Variants in RBL1 observed in about 807,000 individuals in gnomAD.
RBL1 encodes the protein RB transcriptional corepressor like 1.
In RBL1, 82 loss-of-function variants were observed where a neutral mutation model predicts 123.0. The observed-to-expected ratio is 0.67, with a 90% CI of 0.56 to 0.80. The LOEUF is 0.80. Ranked by LOEUF, RBL1 falls within the 30% of genes least tolerant of loss-of-function variation. RBL1 has a pLI of 0.00. For synonymous variants in RBL1, 405 were observed against 441.3 expected (o/e 0.92, Z 1.03); for missense variants, 1,171 against 1,299.6 (o/e 0.90, Z 1.52).
chr20:37,092,515 C>T (rs1279041133), intron 1 of RBL1, among the ~76,000 whole-genome samples: 1 of 152,090 alleles, frequency 6.6e-6, no homozygotes, highest in Non-Finnish European at 1.5e-5. Context: ...ACTAAAGGCA[C>T]ATGCCACCAC....
At position 37,061,102 on chromosome 20, in the gene RBL1, C is replaced by A; in HGVS notation, c.1250+1G>T. On this transcript the variant is annotated splice_donor_variant, in intron 9 of 21. Coordinates refer to ENST00000373664, the MANE Select transcript of RBL1 (RefSeq NM_002895.5). LOFTEE classifies it high-confidence loss of function. ...TGGAAAAATAACAGTATTGTACATACTCAAAAATATTTATAAGTTGGTCAC... is the reference window on the plus strand; with the variant it reads ...TGGAAAAATAACAGTATTGTACATAATCAAAAATATTTATAAGTTGGTCAC... 6.3e-7 allele frequency: 1 copy of A among 1,599,834 alleles called. No individual in the cohort carries two copies.
chr20:37,001,193 C>T (rs548297321), intron 21 of RBL1, among the ~76,000 whole-genome samples: 4 of 148,922 alleles, frequency 2.7e-5, no homozygotes, highest in African/African-American at 9.8e-5. Flanking sequence ...CCGGCCGCCC[C>T]TGCCCGGCCG....
chr20:37,069,851 G>GGT (rs2065255348), intron 2 of RBL1, among the ~76,000 whole-genome samples: 1 of 150,544 alleles, frequency 6.6e-6, no homozygotes, highest in African/African-American at 2.5e-5. Context: ...GAGGTGGGGG[G>GGT]GTCAGCCCCC....
intron 7 of RBL1, among the ~76,000 whole-genome samples, chr20:37,063,572 T>G (rs1310488975): frequency 6.6e-6 from 1 of 152,094 alleles, no homozygotes; most frequent in African/African-American, 2.4e-5. Flanking sequence ...AGTGCAATGG[T>G]GTGATCTGGG....
In RBL1 at chr20:37,035,382, T is replaced by C. The variant is rs955653415; in HGVS notation, c.2030A>G (p.Glu677Gly). ...KEMLMDKIITEGTKLKIAPSS... is the reference protein window; with the variant it reads ...KEMLMDKIITGGTKLKIAPSS... ...AGGAGCGATTTTCAATTTTGTTCCT[T>C]CTGTTATGATCTTGTCCATAAGCAT... Residue 677 changes from glutamate to glycine, a missense_variant, in exon 15 of 22, where the codon GAA (glutamate) becomes GGA (glycine). Coordinates refer to ENST00000373664, the MANE Select transcript of RBL1 (RefSeq NM_002895.5). 9.9e-6 allele frequency: 16 copies of C among 1,614,042 alleles called. No individual in the cohort carries two copies. The African/African-American group carries it at 2.1e-4, about 22-fold the overall frequency.
At chr20:37,092,041 G>A (rs1308003328) in intron 1 of RBL1, among the ~76,000 whole-genome samples, 5 of 152,090 alleles carry the variant, frequency 3.3e-5, no homozygotes, top group South Asian at 2.1e-4. Flanking sequence ...TCAGGGGTTC[G>A]AGACTAGCTT....
chr20:37,037,970 C>A (rs2064649786), intron 14 of RBL1, among the ~76,000 whole-genome samples: 1 of 150,332 alleles, frequency 6.7e-6, no homozygotes. Flanking sequence ...CGGGTGTAAG[C>A]CACTGCGCCC....
chr20:37,019,188 C>T (rs941012181), intron 18 of RBL1, among the ~76,000 whole-genome samples: 2 of 152,022 alleles, frequency 1.3e-5, no homozygotes, highest in African/African-American at 2.4e-5. Context: ...GGATTACAGG[C>T]GTGAGCCACT....
chr20:37,020,119 C>T (rs1460826045), intron 18 of RBL1, among the ~76,000 whole-genome samples: 1 of 143,310 alleles, frequency 7.0e-6, no homozygotes, highest in Non-Finnish European at 1.5e-5. Flanking sequence ...GACAGAGTCT[C>T]GCTCTGTCGG....
chr20:37,068,732 G>A (rs1023976413), intron 2 of RBL1, among the ~76,000 whole-genome samples: 58 of 152,014 alleles, frequency 3.8e-4, no homozygotes, highest in African/African-American at 1.4e-3. Context: ...CAGATTGACA[G>A]GTTATAAAAT....
In RBL1 at chr20:37,065,491, T is replaced by C; in HGVS notation, c.847-18A>G. On this transcript the variant is annotated intron_variant, in intron 6 of 21. Coordinates refer to ENST00000373664, the MANE Select transcript of RBL1 (RefSeq NM_002895.5). ...TTTAATATCTGTGAACAAAAAATTA[T>C]TTTGGGACACCATATAATTAAGCAT... 2 of 1,563,890 alleles carry C rather than the reference T, an allele frequency of 1.3e-6. No homozygotes were observed. The highest frequency in any genetic ancestry group is 1.7e-6 in the Non-Finnish European group (2 of 1,143,904).
At chr20:37,038,600 T>G (rs2064669218) in intron 14 of RBL1, among the ~76,000 whole-genome samples, 1 of 130,292 alleles carries the variant, frequency 7.7e-6, no homozygotes, top group Non-Finnish European at 1.6e-5. Context: ...TGCCTGGCCT[T>G]TTTTTTTTTT....
intron 7 of RBL1, among the ~76,000 whole-genome samples, chr20:37,062,807 T>G (rs2146296498): frequency 6.7e-6 from 1 of 149,366 alleles, no homozygotes; most frequent in South Asian, 2.1e-4. Context: ...TACAAAAAAT[T>G]AGCCGGGCGT....
At chr20:37,043,504 CAGAA>C (rs1256540949) in intron 13 of RBL1, among the ~76,000 whole-genome samples, 19 of 148,050 alleles carry the variant, frequency 1.3e-4, no homozygotes, top group African/African-American at 4.7e-4. Context: ...AAAAGAAAAA[CAGAA>C]AGAAAAAAAA....
At chr20:37,062,788 T>C (rs2065116942) in intron 7 of RBL1, among the ~76,000 whole-genome samples, 1 of 150,222 alleles carries the variant, frequency 6.7e-6, no homozygotes, top group Admixed American at 6.6e-5. Context: ...ACCCCATCTC[T>C]ACTAAAAATA....
intron 21 of RBL1, among the ~76,000 whole-genome samples, chr20:37,002,001 T>C (rs1446697515): frequency 1.3e-5 from 2 of 149,650 alleles, no homozygotes; most frequent in African/African-American, 4.9e-5. Flanking sequence ...TAGCTCTCGA[T>C]GTGTAGTACC....
intron 21 of RBL1, among the ~76,000 whole-genome samples, chr20:36,999,654 A>G (rs1742839797): frequency 6.6e-6 from 1 of 151,972 alleles, no homozygotes; most frequent in African/African-American, 2.4e-5. Flanking sequence ...GCCACGCCTG[A>G]CTGGTTTTCG....
At chr20:37,039,763 G>C (rs990504270) in intron 14 of RBL1, among the ~76,000 whole-genome samples, 2 of 151,862 alleles carry the variant, frequency 1.3e-5, no homozygotes, top group Admixed American at 6.6e-5. Flanking sequence ...TGGGACATGA[G>C]GGGGGTCTCA....
At chr20:37,051,307 A>C (rs2064908291) in intron 11 of RBL1, among the ~76,000 whole-genome samples, 2 of 152,036 alleles carry the variant, frequency 1.3e-5, no homozygotes. Context: ...GCCTCTCCCA[A>C]GTAGCCGGGA....
Sources: allele counts gnomAD v4.1 joint callset (sites outside exome capture counted in the v4.1 genomes callset), GRCh38; gene constraint gnomAD v4.1.1; transcripts MANE v1.5; gene names NCBI Gene and HGNC (gene_info 2026-07-23, HGNC 2026-07-21).